ACTR3B: variants seen among roughly 807,000 people sequenced by gnomAD.
The protein encoded by ACTR3B is actin-related protein 3B.
ACTR3B carries 8 observed loss-of-function variants against 59.0 expected under a neutral mutation model. That is an observed-to-expected ratio of 0.14 (90% CI 0.08 to 0.24). ACTR3B has a LOEUF of 0.24. Among genes scored for constraint, ACTR3B ranks in the 10% least tolerant of loss-of-function variants. ACTR3B has a pLI of 1.00. For missense variants in ACTR3B, 245 were observed against 552.3 expected, an observed-to-expected ratio of 0.44 and a Z score of 5.58; for synonymous variants, 148 against 197.9, an observed-to-expected ratio of 0.75 and a Z score of 2.12.
At position 152,824,930 on chromosome 7, in the gene ACTR3B, A is replaced by C. The variant is rs1284734882; in HGVS notation, c.859-100A>C. On this transcript the variant is annotated intron_variant, in intron 8 of 11. Coordinates refer to ENST00000256001, the MANE Select transcript of ACTR3B (RefSeq NM_020445.6). This position sits in a 1 kb window ranked among gnomAD's most constrained non-coding sequence, Gnocchi z 4.2. ...TCCAATGTGAATTCTTTTAAGTTAT[A>C]ATAAATTGTATATTTGTTAAAGTTA... The C allele has an allele frequency of 2.5e-5, 32 of 1,267,180 alleles. No individual in the cohort carries two copies. Among genetic ancestry groups the C allele is most frequent in the Non-Finnish European group, 3.4e-5 (32 of 929,456 alleles). 78.5% of individuals were successfully genotyped at this position (1,267,180 alleles called of 1,614,324 possible). A position where few individuals can be genotyped will look rare whatever the true frequency, so the allele number is the denominator to read the frequency against.
intron 9 of ACTR3B, among the ~76,000 whole-genome samples, chr7:152,835,560 C>T (rs957626481): frequency 3.3e-5 from 5 of 152,288 alleles, no homozygotes; most frequent in Admixed American, 2.0e-4. Flanking sequence ...TACAGAGACA[C>T]GAAGTGAGCG....
chr7:152,789,066 A>C (rs11771078), intron 2 of ACTR3B, among the ~76,000 whole-genome samples: 1 of 35,850 alleles, frequency 2.8e-5, no homozygotes, highest in East Asian at 2.5e-3. Context: ...GCAACAACAA[A>C]CAACAACAAC....
At chr7:152,772,311 G>A (rs2098125947) in intron 1 of ACTR3B, among the ~76,000 whole-genome samples, 1 of 147,104 alleles carries the variant, frequency 6.8e-6, no homozygotes. Flanking sequence ...TTGAGCCCAG[G>A]AGTTGGAGAA....
Position 152,854,778 on chromosome 7 carries a change from T to C in ACTR3B, c.*225T>C. The C allele has an allele frequency of 2.0e-6, 1 of 501,346 alleles. No homozygotes were observed. 31.1% of individuals were successfully genotyped at this position (501,346 alleles called of 1,614,324 possible). A position where few individuals can be genotyped will look rare whatever the true frequency, so the allele number is the denominator to read the frequency against. ...CCTCCTTCTCCCGCCCTCCTCACCC[T>C]CGCTCTCCCTCCTCCTCCTCCTCCG... On this transcript the variant is annotated 3_prime_UTR_variant, in exon 12 of 12. Transcript: ENST00000256001. This position sits in a 1 kb window ranked among gnomAD's most constrained non-coding sequence, Gnocchi z 4.9.
intron 4 of ACTR3B, chr7:152,812,694 G>T (rs1795365905): frequency 6.7e-6 from 1 of 148,356 alleles, no homozygotes; most frequent in Non-Finnish European, 1.5e-5. Flanking sequence ...TGACACTGTG[G>T]CCAGATATAG....
At chr7:152,853,674 A>T (rs1269555723) in intron 11 of ACTR3B, 97 bp downstream of exon 11, 5 of 1,094,882 alleles carry the variant, frequency 4.6e-6, no homozygotes, top group Non-Finnish European at 6.8e-6. Context: ...TGTGTGCCCT[A>T]ATCGTGTGGC....
In ACTR3B at chr7:152,846,262, G is replaced by A. The variant is rs548251454; in HGVS notation, c.952-5864G>A. 3.2e-3 allele frequency among the ~76,000 whole-genome samples: 475 copies of A among 149,058 alleles called. 3 individuals carry two copies. Among genetic ancestry groups the A allele is most frequent in the Admixed American group, 6.6e-3 (99 of 14,902 alleles). On this transcript the variant is annotated intron_variant, in intron 9 of 11. Transcript: ENST00000256001. ...GTGCCCGGGCTGTAGTCTGTAGTGA[G>A]CCCCAGCGCCCGGGCTGCAGTCTGT... is the stretch of plus-strand genomic sequence containing the variant.
At chr7:152,803,516 C>T (rs556797033) in intron 4 of ACTR3B, among the ~76,000 whole-genome samples, 56 of 152,260 alleles carry the variant, frequency 3.7e-4, no homozygotes, top group Middle Eastern at 3.4e-3. Flanking sequence ...GAGCAGGCAC[C>T]GAGCCCAGCT....
intron 1 of ACTR3B, among the ~76,000 whole-genome samples, chr7:152,773,646 G>T (rs754645007): frequency 6.6e-6 from 1 of 151,968 alleles, no homozygotes; most frequent in African/African-American, 2.4e-5. Flanking sequence ...AAAAGAAAGC[G>T]TGAGTATTAT....
chr7:152,822,395 C>G (rs1190369451), intron 7 of ACTR3B, among the ~76,000 whole-genome samples: 1 of 152,142 alleles, frequency 6.6e-6, no homozygotes, highest in Non-Finnish European at 1.5e-5. Context: ...TCTAAGGACA[C>G]ATATCAACAC....
rs1799090769 is a variant in ACTR3B at position 152,854,397 on chromosome 7, C to T, written c.1162-61C>T. ...GGAGAGTGTCTTGCCTGCTTGGTAG[C>T]TGGTTCCCTTGACTTTCTTCTGAAA... On this transcript the variant is annotated intron_variant, in intron 11 of 11. Coordinates refer to ENST00000256001, the MANE Select transcript of ACTR3B (RefSeq NM_020445.6). The surrounding 1 kb of genome is among the most constrained non-coding windows in gnomAD (Gnocchi z 4.9). 1.3e-6 allele frequency: 2 copies of T among 1,492,954 alleles called. No individual in the cohort carries two copies. Among genetic ancestry groups the T allele is most frequent in the Admixed American group, 1.7e-5 (1 of 59,698 alleles). 92.5% of individuals were successfully genotyped at this position (1,492,954 alleles called of 1,614,324 possible).
chr7:152,796,351 G>T, intron 2 of ACTR3B, among the ~76,000 whole-genome samples: 1 of 151,730 alleles, frequency 6.6e-6, no homozygotes, highest in African/African-American at 2.4e-5. Flanking sequence ...ATTTTTCTCA[G>T]TTCTTCTCTG....
chr7:152,817,487 G>A (rs1184550056), intron 6 of ACTR3B, among the ~76,000 whole-genome samples: 3 of 152,168 alleles, frequency 2.0e-5, no homozygotes, highest in Admixed American at 1.3e-4. Flanking sequence ...TCCTAATTTG[G>A]GTTTCAAGAG....
At chr7:152,833,814 C>G (rs1797219562) in intron 9 of ACTR3B, among the ~76,000 whole-genome samples, 2 of 152,238 alleles carry the variant, frequency 1.3e-5, no homozygotes, top group South Asian at 4.1e-4. Flanking sequence ...GCCTTTCCAT[C>G]TGCAGAGGTG....
chr7:152,833,071 C>T (rs1158348234), intron 9 of ACTR3B, among the ~76,000 whole-genome samples: 1 of 152,174 alleles, frequency 6.6e-6, no homozygotes, highest in Non-Finnish European at 1.5e-5. Context: ...TGAGAGGTCA[C>T]ACAGGATGAG....
At chr7:152,841,967 C>T (rs1797902134) in intron 9 of ACTR3B, among the ~76,000 whole-genome samples, 1 of 152,192 alleles carries the variant, frequency 6.6e-6, no homozygotes, top group Non-Finnish European at 1.5e-5. Context: ...AGTTTACATA[C>T]TTAACGTGAT....
In ACTR3B at chr7:152,854,319, G is replaced by A. The variant is rs1412886670; in HGVS notation, c.1162-139G>A. Reference sequence around the variant, plus strand: ...CCATTTAGTAGTTTAGTACATCAGAGAGGTAAAATCTTGCAGCAGCGGTCC... The same window carrying A: ...CCATTTAGTAGTTTAGTACATCAGAAAGGTAAAATCTTGCAGCAGCGGTCC... On this transcript the variant is annotated intron_variant, in intron 11 of 11. Transcript: ENST00000256001. This position sits in a 1 kb window ranked among gnomAD's most constrained non-coding sequence, Gnocchi z 4.9. 2.8e-6 allele frequency: 2 copies of A among 711,752 alleles called. No individual in the cohort carries two copies. The highest frequency in any genetic ancestry group is 2.7e-4 in the Middle Eastern group (1 of 3,642). The allele number at this position is 711,752 out of a possible 1,614,324, so 44.1% of individuals were successfully genotyped here.
intron 7 of ACTR3B, among the ~76,000 whole-genome samples, chr7:152,822,768 G>A (rs1444372528): frequency 1.3e-5 from 2 of 152,208 alleles, no homozygotes; most frequent in East Asian, 1.9e-4. Context: ...CTGTCTCTAG[G>A]CAAAGAGATG....
chr7:152,796,890 T>G (rs1368397829), intron 2 of ACTR3B, among the ~76,000 whole-genome samples: 3 of 131,664 alleles, frequency 2.3e-5, no homozygotes, highest in Non-Finnish European at 3.2e-5. Flanking sequence ...TTTTTTTTTT[T>G]TTTTTTTTGT....
Sources: allele counts gnomAD v4.1 joint callset (sites outside exome capture counted in the v4.1 genomes callset), GRCh38; gene constraint gnomAD v4.1.1; non-coding constraint Gnocchi (gnomAD v3.1); transcripts MANE v1.5; gene names NCBI Gene and HGNC (gene_info 2026-07-23, HGNC 2026-07-21).